CFAP20DC: variants seen among roughly 807,000 people sequenced by gnomAD.
CFAP20DC encodes protein CFAP20DC.
A neutral mutation model predicts 101.7 loss-of-function variants in CFAP20DC; 84 were observed. The ratio of observed to expected loss-of-function variants is 0.83; its 90% confidence interval spans 0.69 to 0.99. The LOEUF (loss-of-function observed/expected upper bound fraction) is 0.99. CFAP20DC is among the 50% of genes least tolerant of loss of function. CFAP20DC has a pLI of 0.00. For missense variants in CFAP20DC, 1,007 were observed against 970.3 expected (o/e 1.04, Z -0.50); for synonymous variants, 359 against 351.2 (o/e 1.02, Z -0.25).
chr3:58,839,545 T>A (rs142276811), intron 13 of CFAP20DC, among the ~76,000 whole-genome samples: 152 of 152,344 alleles, frequency 1.0e-3, no homozygotes, highest in African/African-American at 3.4e-3. Flanking sequence ...ACCTTTTCCA[T>A]GAAGAGGTGA....
chr3:58,801,480 G>A (rs535720375), intron 15 of CFAP20DC, among the ~76,000 whole-genome samples: 11 of 152,222 alleles, frequency 7.2e-5, no homozygotes, highest in South Asian at 6.2e-4. Context: ...TAAAATGAGC[G>A]AAACTTAATC....
chr3:58,741,644 C>G (rs917702321), downstream of CFAP20DC, among the ~76,000 whole-genome samples: 4 of 151,794 alleles, frequency 2.6e-5, no homozygotes, highest in African/African-American at 9.7e-5. Context: ...CTACAGGCGC[C>G]CTCCACCACA....
chr3:58,783,460 A>G (rs2072026525), intron 15 of CFAP20DC, among the ~76,000 whole-genome samples: 1 of 152,090 alleles, frequency 6.6e-6, no homozygotes, highest in Non-Finnish European at 1.5e-5. Flanking sequence ...CTGCACAGCA[A>G]AACAGAAGAA....
chr3:58,737,190 T>C, downstream of CFAP20DC: 1 of 456,606 alleles, frequency 2.2e-6, no homozygotes, highest in Non-Finnish European at 4.4e-6. This position sits in a 1 kb window ranked among gnomAD's most constrained non-coding sequence, Gnocchi z 4.1. Flanking sequence ...TAAAAAATCA[T>C]CTTGTTACAG....
At chr3:58,762,969 C>G (rs570848788) in intron 15 of CFAP20DC, among the ~76,000 whole-genome samples, 105 of 152,332 alleles carry the variant, frequency 6.9e-4, no homozygotes, top group African/African-American at 2.4e-3. Context: ...CTGCCCTTAA[C>G]ATTTTTTCCT....
intron 6 of CFAP20DC, among the ~76,000 whole-genome samples, chr3:58,909,192 G>GT (rs2083900053): frequency 6.6e-6 from 1 of 152,106 alleles, no homozygotes; most frequent in Middle Eastern, 3.2e-3. Context: ...TTCATCGATT[G>GT]TAACATATGT....
At chr3:59,019,661 C>T (rs1020540874) in intron 4 of CFAP20DC, among the ~76,000 whole-genome samples, 1 of 152,026 alleles carries the variant, frequency 6.6e-6, no homozygotes, top group Non-Finnish European at 1.5e-5. Flanking sequence ...GATATAACTA[C>T]CTAATTTATA....
chr3:58,742,456 G>A lies in CFAP20DC; in HGVS notation c.*4C>T. 1 of 1,593,716 alleles carries A rather than the reference G, an allele frequency of 6.3e-7. No homozygotes were observed. Among genetic ancestry groups the A allele is most frequent in the Non-Finnish European group, 8.5e-7 (1 of 1,169,790 alleles). On this transcript the variant is annotated 3_prime_UTR_variant, in exon 17 of 17. Transcript: ENST00000482387. ...GTGCCTGCTCTCTGCCCCGGAAGGAGGCATTATACCAACTCATAGTATTTC... is the reference window on the plus strand; with the variant it reads ...GTGCCTGCTCTCTGCCCCGGAAGGAAGCATTATACCAACTCATAGTATTTC...
Position 58,861,941 on chromosome 3 carries a change from T to A in CFAP20DC, c.1593+1617A>T. The A allele has an allele frequency of 1.0e-6, 1 of 983,842 alleles. No homozygotes were observed. The highest frequency in any genetic ancestry group is 1.2e-6 in the Non-Finnish European group (1 of 828,484). 60.9% of individuals were successfully genotyped at this position (983,842 alleles called of 1,614,324 possible). On this transcript the variant is annotated intron_variant, in intron 12 of 16. Coordinates refer to ENST00000482387, the MANE Select transcript of CFAP20DC (RefSeq NM_001394063.1). This position sits in a 1 kb window ranked among gnomAD's most constrained non-coding sequence, Gnocchi z 4.0. ...TCTGCATAATAAACGTTGAAGGATG[T>A]CAGAGGCAGAGTAGCTACAGCAAAA...
At chr3:58,758,661 T>C (rs1349495197) in intron 15 of CFAP20DC, among the ~76,000 whole-genome samples, 1 of 152,120 alleles carries the variant, frequency 6.6e-6, no homozygotes, top group Admixed American at 6.6e-5. Context: ...TAGCATTAGG[T>C]ATATCTCCTA....
intron 4 of CFAP20DC, among the ~76,000 whole-genome samples, chr3:59,005,371 T>C (rs983683145): frequency 5.3e-5 from 8 of 152,162 alleles, no homozygotes; most frequent in African/African-American, 1.9e-4. Flanking sequence ...TGAGAAACAA[T>C]ACATAATACT....
At chr3:58,805,396 T>C (rs1480636248) in intron 15 of CFAP20DC, among the ~76,000 whole-genome samples, 2 of 152,194 alleles carry the variant, frequency 1.3e-5, no homozygotes, top group African/African-American at 2.4e-5. Flanking sequence ...GGCCTTTGGG[T>C]TCTAGAATAC....
chr3:58,894,690 C>A lies in CFAP20DC; in HGVS notation c.551-9981G>T, dbSNP rs1223922167. Among the ~76,000 whole-genome samples the A allele has an allele frequency of 6.6e-6, 1 of 152,214 alleles. No homozygotes were observed. Among genetic ancestry groups the A allele is most frequent in the African/African-American group, 2.4e-5 (1 of 41,468 alleles). Reference sequence around the variant, plus strand: ...TTGGAGGATGGTGGCCCTCTTCTTACAGCTCCACTAGATGGTGCCCCAGTA... The same window carrying A: ...TTGGAGGATGGTGGCCCTCTTCTTAAAGCTCCACTAGATGGTGCCCCAGTA... On this transcript the variant is annotated intron_variant, in intron 6 of 16. Transcript: ENST00000482387. This position sits in a 1 kb window ranked among gnomAD's most constrained non-coding sequence, Gnocchi z 4.1.
At chr3:58,782,597 C>T (rs189815148) in intron 15 of CFAP20DC, among the ~76,000 whole-genome samples, 19 of 152,072 alleles carry the variant, frequency 1.2e-4, no homozygotes, top group Admixed American at 1.0e-3. Context: ...ACAAAGTCAA[C>T]ATACAAATAT....
chr3:58,926,094 AG>A (rs577268749), intron 5 of CFAP20DC, among the ~76,000 whole-genome samples: 1 of 152,092 alleles, frequency 6.6e-6, no homozygotes, highest in South Asian at 2.1e-4. Flanking sequence ...GGCCAGGCAC[AG>A]TGGCTCATAC....
intron 4 of CFAP20DC, among the ~76,000 whole-genome samples, chr3:58,940,641 T>C (rs1395569679): frequency 6.6e-6 from 1 of 152,218 alleles, no homozygotes; most frequent in Non-Finnish European, 1.5e-5. Context: ...TTTTCATTGA[T>C]CCATTTGTCT....
At chr3:59,036,084 G>A (rs575736542) in intron 4 of CFAP20DC, among the ~76,000 whole-genome samples, 2 of 152,228 alleles carry the variant, frequency 1.3e-5, no homozygotes, top group African/African-American at 2.4e-5. Flanking sequence ...AAAGGCCTTC[G>A]ATAAAATTCA....
chr3:58,890,469 G>A (rs1203864685), intron 6 of CFAP20DC, among the ~76,000 whole-genome samples: 24 of 145,118 alleles, frequency 1.7e-4, no homozygotes, highest in South Asian at 4.3e-4. Flanking sequence ...CGGACGGGGC[G>A]GCTGGTCGGG....
At chr3:58,938,306 C>T (rs2087995951) in intron 4 of CFAP20DC, among the ~76,000 whole-genome samples, 1 of 152,184 alleles carries the variant, frequency 6.6e-6, no homozygotes, top group African/African-American at 2.4e-5. Flanking sequence ...CTATTCAGGT[C>T]AACCCACAGT....
Sources: gnomAD v4.1 joint callset for allele counts (sites outside exome capture counted in the v4.1 genomes callset) on GRCh38, gnomAD v4.1.1 for gene constraint, Gnocchi (gnomAD v3.1) non-coding constraint, MANE v1.5 for transcripts, NCBI Gene and HGNC (gene_info 2026-07-23, HGNC 2026-07-21) for gene names.